Variants in STAU1 observed in about 807,000 individuals in gnomAD.
STAU1 encodes staufen double-stranded RNA binding protein 1, also known as double-stranded RNA-binding protein Staufen homolog 1.
Under a neutral mutation model 62.9 loss-of-function variants are expected in STAU1, and 13 were observed. That is an observed-to-expected ratio of 0.21 (90% CI 0.13 to 0.33). STAU1 has a LOEUF of 0.33. Among genes scored for constraint, STAU1 ranks in the 10% least tolerant of loss-of-function variants. The pLI is 1.00. For synonymous variants in STAU1, 269 were observed against 265.1 expected, an observed-to-expected ratio of 1.01 and a Z score of -0.14; for missense variants, 571 against 712.1, an observed-to-expected ratio of 0.80 and a Z score of 2.25.
chr20:49,123,306 G>C, intron 7 of STAU1, 71 bp from the exon 8 acceptor site: 1 of 1,604,188 alleles, frequency 6.2e-7, no homozygotes, highest in South Asian at 1.1e-5. Flanking sequence ...CAGAGATCAG[G>C]ATATGAGAGG....
In STAU1 at chr20:49,154,061, G is replaced by C. The variant is rs769283619; in HGVS notation, c.216C>G (p.Thr72=). The C allele has an allele frequency of 6.3e-7, 1 of 1,596,588 alleles. No homozygotes were observed. The highest frequency in any genetic ancestry group is 8.5e-7 in the Non-Finnish European group (1 of 1,175,628). ...ACAGTGCATTTAGTTCTACAGTAGG[G>C]GTTATGCTTTCTGCAAGAAAGAATC... ...TSTSAAAESI[T]PTVELNALCM... is the part of the protein sequence containing the mutation. Residue 72 remains threonine (T), a synonymous_variant, in exon 4 of 14, where the codon ACC becomes ACG. Transcript: ENST00000371856.
At chr20:49,203,782 G>GTTCAAGCAAATCCCCTGC in the STAU1 span, among the ~76,000 whole-genome samples, 2 of 152,214 alleles carry the variant, frequency 1.3e-5, no homozygotes, top group African/African-American at 4.8e-5. Context: ...CACCTCCCTG[G>GTTCAAGCAAATCCCCTGC]TTCAAGCAAA....
intron 8 of STAU1, 136 bp from the exon 9 acceptor site, chr20:49,120,264 G>C: frequency 1.1e-6 from 1 of 922,348 alleles, no homozygotes; most frequent in Non-Finnish European, 1.6e-6. Flanking sequence ...TGGCCTCCTT[G>C]TCTCTGAGAG....
chr20:49,205,952 G>T, the STAU1 span, among the ~76,000 whole-genome samples: 1 of 150,862 alleles, frequency 6.6e-6, no homozygotes, highest in African/African-American at 2.4e-5. Context: ...GGGATTACAG[G>T]TGTGAGCTAC....
chr20:49,119,849 G>T, intron 9 of STAU1, 133 bp downstream of exon 9: 1 of 1,102,262 alleles, frequency 9.1e-7, no homozygotes, highest in Non-Finnish European at 1.3e-6. Context: ...AAATGGATGA[G>T]ACACTCCTCA....
the STAU1 span, among the ~76,000 whole-genome samples, chr20:49,194,148 G>T: frequency 6.6e-6 from 1 of 151,812 alleles, no homozygotes; most frequent in Non-Finnish European, 1.5e-5. Flanking sequence ...AGGAAACTGG[G>T]CTGGGCACTG....
chr20:49,124,673 C>G, intron 6 of STAU1, 86 bp from the exon 7 acceptor site: 1 of 1,405,942 alleles, frequency 7.1e-7, no homozygotes, highest in Non-Finnish European at 1.0e-6. Context: ...TTCACACAGA[C>G]ACAGGGAAGG....
rs1555851175 is a variant in STAU1 at position 49,149,291 on chromosome 20, C to CACA, written c.510+2290_510+2291insTGT. 1.4e-4 allele frequency among the ~76,000 whole-genome samples: 20 copies of CACA among 147,420 alleles called. No homozygotes were observed. The East Asian group carries it at 1.8e-3, about 13-fold the overall frequency. ...ACACACACACACACACACACACACACCAGCAAGAACAACAAAAGCAGGGAG... is the reference window on the plus strand; with the variant it reads ...ACACACACACACACACACACACACACACACAGCAAGAACAACAAAAGCAGGGAG... On this transcript the variant is annotated intron_variant, in intron 5 of 13. Coordinates refer to ENST00000371856, the MANE Select transcript of STAU1 (RefSeq NM_017453.4).
chr20:49,196,784 G>GAAAAAAAAA, the STAU1 span, among the ~76,000 whole-genome samples: 6 of 145,148 alleles, frequency 4.1e-5, no homozygotes, highest in African/African-American at 1.0e-4. Context: ...AGGAAAAAAA[G>GAAAAAAAAA]AAAAAAAAAA....
the STAU1 span, among the ~76,000 whole-genome samples, chr20:49,206,414 GTT>G: frequency 2.6e-5 from 2 of 76,630 alleles, no homozygotes; most frequent in African/African-American, 5.6e-5. Flanking sequence ...CTTCCTTCTG[GTT>G]TTTTTTTTTT....
At chr20:49,187,852 G>A (rs1340604563) in intron 1 of STAU1, among the ~76,000 whole-genome samples, 8 of 145,050 alleles carry the variant, frequency 5.5e-5, no homozygotes, top group African/African-American at 1.8e-4. Flanking sequence ...GACGAGGAAA[G>A]GCGGCCGCAG....
At position 49,117,878 on chromosome 20, in the gene STAU1, T is replaced by C; in HGVS notation, c.1408A>G (p.Thr470Ala). ...GAAGAGATGTTATTCTTTAAAATGG[T>C]CTCGGCTGTGGGCGAGGTGCCCCCA... ...LYGGTSPTAE[T>A]ILKNNISSGH... The change falls in exon 11 of 14, where the codon ACC (threonine) becomes GCC (alanine). Residue 470 changes from threonine (T) to alanine (A), a missense_variant. This residue lies in a region of STAU1 where 156 missense variants were observed against 194.7 expected (regional missense o/e 0.80). Coordinates refer to ENST00000371856, the MANE Select transcript of STAU1 (RefSeq NM_017453.4). This position sits in a 1 kb window ranked among gnomAD's most constrained non-coding sequence, Gnocchi z 4.6. 6.2e-7 allele frequency: 1 copy of C among 1,614,160 alleles called. No individual in the cohort carries two copies. The highest frequency in any genetic ancestry group is 1.3e-5 in the African/African-American group (1 of 75,050).
At chr20:49,194,429 CAAAAAAAA>C in the STAU1 span, among the ~76,000 whole-genome samples, 31 of 81,138 alleles carry the variant, frequency 3.8e-4, 2 homozygotes, top group Admixed American at 2.4e-3. Context: ...AACTCCGTCT[CAAAAAAAA>C]AAAAAAAAAA....
chr20:49,153,251 G>GGAAAAAAA (rs1379385445), intron 4 of STAU1, among the ~76,000 whole-genome samples: 1 of 99,076 alleles, frequency 1.0e-5, no homozygotes, highest in African/African-American at 3.9e-5. Context: ...CTCCGTCTCA[G>GGAAAAAAA]AAAAAAAAAA....
chr20:49,159,084 C>T lies in STAU1; in HGVS notation c.206-5013G>A, dbSNP rs1369234872. ...AAGGTCAAATGGCAGAAGCCTGCAACGCAGTACAATCCCTGGGTCATCTTG... is the reference window on the plus strand; with the variant it reads ...AAGGTCAAATGGCAGAAGCCTGCAATGCAGTACAATCCCTGGGTCATCTTG... On this transcript the variant is annotated intron_variant, in intron 3 of 13. Transcript: ENST00000371856. The T allele has an allele frequency of 1.5e-5, 18 of 1,220,286 alleles. 1 individual carries two copies. The highest frequency in any genetic ancestry group is 3.3e-5 in the Admixed American group (1 of 30,296). 75.6% of individuals were successfully genotyped at this position (1,220,286 alleles called of 1,614,324 possible). A position where few individuals can be genotyped will look rare whatever the true frequency, so the allele number is the denominator to read the frequency against.
At chr20:49,193,302 A>G (rs1568958607), upstream of STAU1, among the ~76,000 whole-genome samples, 1 of 151,006 alleles carries the variant, frequency 6.6e-6, no homozygotes, top group Non-Finnish European at 1.5e-5. Context: ...GCTTGAACCC[A>G]GGAAGTGGAG....
At chr20:49,201,274 A>T in the STAU1 span, among the ~76,000 whole-genome samples, 1 of 152,082 alleles carries the variant, frequency 6.6e-6, no homozygotes, top group African/African-American at 2.4e-5. Flanking sequence ...ATGTCTGAGG[A>T]TACGAGGATG....
chr20:49,182,748 A>G (rs554152283), intron 1 of STAU1, among the ~76,000 whole-genome samples: 8 of 151,884 alleles, frequency 5.3e-5, no homozygotes, highest in Non-Finnish European at 8.8e-5. Context: ...CTGAGGCAGG[A>G]GAATGGCATG....
chr20:49,137,832 A>ATTTTTTTT (rs34370524), intron 5 of STAU1, among the ~76,000 whole-genome samples: 2 of 128,436 alleles, frequency 1.6e-5, no homozygotes, highest in Non-Finnish European at 3.2e-5. Flanking sequence ...CACCCGGCTA[A>ATTTTTTTT]TTTTTTTTTT....
Sources: gnomAD v4.1 joint callset for allele counts (sites outside exome capture counted in the v4.1 genomes callset) on GRCh38, gnomAD v4.1.1 for gene constraint, gnomAD v4.1.1 regional missense constraint, Gnocchi (gnomAD v3.1) non-coding constraint, MANE v1.5 for transcripts, NCBI Gene and HGNC (gene_info 2026-07-23, HGNC 2026-07-21) for gene names.